CSMD1: variants seen among roughly 807,000 people sequenced by gnomAD.
CSMD1 encodes CUB and Sushi multiple domains 1.
CSMD1 carries 213 observed loss-of-function variants against 417.5 expected under a neutral mutation model. The ratio of observed to expected loss-of-function variants is 0.51; its 90% CI spans 0.46 to 0.57. The LOEUF (loss-of-function observed/expected upper bound fraction) is 0.57. Among genes scored for constraint, CSMD1 ranks in the 20% least tolerant of loss-of-function variants. The pLI is 0.00. For missense variants in CSMD1, 6,923 were observed against 4,529.7 expected (o/e 1.53, Z -15.17); for synonymous variants, 2,862 against 1,736.8 (o/e 1.65, Z -16.11).
At chr8:4,017,938 G>A (rs1201141139) in intron 4 of CSMD1, among the ~76,000 whole-genome samples, 1 of 152,130 alleles carries the variant, frequency 6.6e-6, no homozygotes, top group African/African-American at 2.4e-5. Flanking sequence ...AAAGCTGGTT[G>A]CACACAATGG....
At chr8:3,579,153 C>T (rs981543513) in intron 9 of CSMD1, among the ~76,000 whole-genome samples, 3 of 152,070 alleles carry the variant, frequency 2.0e-5, no homozygotes, top group African/African-American at 7.2e-5. Flanking sequence ...TTCTGTCTCC[C>T]CAGTAAAACT....
In CSMD1 at chr8:4,782,237, C is replaced by G. The variant is rs74386783; in HGVS notation, c.86-144679G>C. 3.3e-3 allele frequency among the ~76,000 whole-genome samples: 509 copies of G among 152,192 alleles called. 9 individuals are homozygous for G. The highest frequency in any genetic ancestry group is 0.012 in the African/African-American group (492 of 41,520). Reference sequence around the variant, plus strand: ...CTTAATAATGTATATCTCAAAATAGCTAGAAAAGAGGGTTTTCAATATCCT... The same window carrying G: ...CTTAATAATGTATATCTCAAAATAGGTAGAAAAGAGGGTTTTCAATATCCT... On this transcript the variant is annotated intron_variant, in intron 1 of 69. Transcript: ENST00000635120.
chr8:3,893,339 T>TTATACATATATATATATATATATATATA (rs1554476807), intron 5 of CSMD1, among the ~76,000 whole-genome samples: 1 of 80,440 alleles, frequency 1.2e-5, no homozygotes, highest in Non-Finnish European at 2.8e-5. Context: ...ATTCACAATT[T>TTATACATATATATATATATATATATATA]TATATATATA....
At chr8:4,278,354 A>G (rs568115551) in intron 3 of CSMD1, among the ~76,000 whole-genome samples, 2 of 152,346 alleles carry the variant, frequency 1.3e-5, no homozygotes, top group South Asian at 2.1e-4. Context: ...CTTAAAATTC[A>G]TAAGGAAACT....
intron 3 of CSMD1, among the ~76,000 whole-genome samples, chr8:4,204,622 G>A (rs952751723): frequency 6.6e-6 from 1 of 152,152 alleles, no homozygotes; most frequent in African/African-American, 2.4e-5. Context: ...TAAGGAGACA[G>A]TAGGCAACAA....
At chr8:3,037,410 G>A (rs35690461) in intron 50 of CSMD1, among the ~76,000 whole-genome samples, 34,552 of 146,700 alleles carry the variant, frequency 0.24, 4,595 homozygotes, top group Non-Finnish European at 0.28. Flanking sequence ...GGGTTTCACC[G>A]TGTTAGCCAG....
chr8:3,115,637 A>G (rs1267173426), intron 42 of CSMD1, among the ~76,000 whole-genome samples: 1 of 152,196 alleles, frequency 6.6e-6, no homozygotes, highest in African/African-American at 2.4e-5. Context: ...CATAGATATC[A>G]TAATTTCAGA....
At chr8:4,945,440 A>G (rs1322921079) in intron 1 of CSMD1, among the ~76,000 whole-genome samples, 2 of 152,124 alleles carry the variant, frequency 1.3e-5, no homozygotes, top group East Asian at 3.9e-4. Flanking sequence ...AAAAAAATAC[A>G]TCCCAGCATT....
At chr8:3,433,890 C>A (rs1361506748) in intron 12 of CSMD1, among the ~76,000 whole-genome samples, 1 of 152,196 alleles carries the variant, frequency 6.6e-6, no homozygotes, top group Non-Finnish European at 1.5e-5. Context: ...CTGGTTAAGT[C>A]AGCTAGAAAG....
intron 3 of CSMD1, among the ~76,000 whole-genome samples, chr8:4,172,013 G>T (rs1040733384): frequency 3.3e-5 from 5 of 152,002 alleles, no homozygotes; most frequent in Non-Finnish European, 7.4e-5. Context: ...CACCAAAGCA[G>T]CACATAATAT....
intron 8 of CSMD1, among the ~76,000 whole-genome samples, chr8:3,610,035 C>T (rs1444976089): frequency 6.6e-6 from 1 of 151,818 alleles, no homozygotes; most frequent in Admixed American, 6.6e-5. Context: ...ATCCTGACCT[C>T]GAGATTCACC....
chr8:4,928,860 G>A (rs1001960346), intron 1 of CSMD1, among the ~76,000 whole-genome samples: 6 of 152,112 alleles, frequency 3.9e-5, no homozygotes, highest in Admixed American at 3.9e-4. Context: ...ACCTGAGGTT[G>A]GGAGTTCGAG....
At chr8:3,675,976 C>T (rs1332716005) in intron 7 of CSMD1, among the ~76,000 whole-genome samples, 1 of 152,120 alleles carries the variant, frequency 6.6e-6, no homozygotes, top group East Asian at 1.9e-4. Context: ...TGCCATCTTC[C>T]CAGTCAGAGA....
chr8:3,796,944 A>G (rs2129070691), intron 5 of CSMD1, among the ~76,000 whole-genome samples: 1 of 151,926 alleles, frequency 6.6e-6, no homozygotes, highest in Admixed American at 6.6e-5. Context: ...TTAATATGTA[A>G]TGAAGATGAA....
intron 47 of CSMD1, among the ~76,000 whole-genome samples, chr8:3,094,257 C>A (rs1050194679): frequency 1.3e-5 from 2 of 152,054 alleles, no homozygotes; most frequent in Non-Finnish European, 2.9e-5. Flanking sequence ...AGGCGCCTGC[C>A]ACCGCGCCCA....
chr8:3,182,798 GCC>G, intron 36 of CSMD1, among the ~76,000 whole-genome samples: 1 of 119,394 alleles, frequency 8.4e-6, no homozygotes, highest in Non-Finnish European at 1.8e-5. Context: ...CACCGTGTTA[GCC>G]AGGATGGTCT....
rs191687524 is a variant in CSMD1 at position 3,654,083 on chromosome 8, T to C, written c.1010-37286A>G. On this transcript the variant is annotated intron_variant, in intron 7 of 69. Coordinates refer to ENST00000635120, the MANE Select transcript of CSMD1 (RefSeq NM_033225.6). ...CAGAAATCACTGTAATAACGTCTCT[T>C]TTCTGTTAGAGTAGAGGGTGTTGTC... 2.6e-5 allele frequency among the ~76,000 whole-genome samples: 4 copies of C among 152,262 alleles called. No homozygotes were observed. In the East Asian group the frequency reaches 5.8e-4, roughly 22 times the overall value.
chr8:4,592,310 G>A (rs1800032074), intron 2 of CSMD1, among the ~76,000 whole-genome samples: 1 of 151,564 alleles, frequency 6.6e-6, no homozygotes. Flanking sequence ...AGTGGTAATT[G>A]GAATGCTTTT....
intron 26 of CSMD1, among the ~76,000 whole-genome samples, chr8:3,254,916 A>G (rs1800538539): frequency 6.6e-6 from 1 of 151,988 alleles, no homozygotes; most frequent in Admixed American, 6.5e-5. Context: ...GTTGGTGAGG[A>G]GCTGATTTCC....
Sources: gnomAD v4.1 joint callset for allele counts (sites outside exome capture counted in the v4.1 genomes callset) on GRCh38, gnomAD v4.1.1 for gene constraint, MANE v1.5 for transcripts, NCBI Gene and HGNC (gene_info 2026-07-23, HGNC 2026-07-21) for gene names.